The following GARIN4 variants were observed in gnomAD, a reference collection of about 807,000 sequenced individuals.
GARIN4 encodes Golgi-associated RAB2 interactor protein 4.
chr1:212,624,763 G>A, the GARIN4 span: 1 of 1,436,640 alleles, frequency 7.0e-7, no homozygotes, highest in East Asian at 2.5e-5. Flanking sequence ...TGAGAGACCA[G>A]CTGCAGAGAC....
the GARIN4 span, chr1:212,626,053 A>C: frequency 1.2e-6 from 2 of 1,613,892 alleles, no homozygotes. Flanking sequence ...CAGCAGCGGG[A>C]CCTCCCGTCT....
chr1:212,625,260 G>A, the GARIN4 span: 31 of 1,614,000 alleles, frequency 1.9e-5, no homozygotes, highest in Admixed American at 3.3e-5. Context: ...AGGTTTGTAC[G>A]GATCTCTGTT....
the GARIN4 span, chr1:212,626,501 G>C: frequency 6.2e-7 from 1 of 1,614,244 alleles, no homozygotes; most frequent in Admixed American, 1.7e-5. Flanking sequence ...TACAAAAGTA[G>C]TGGGCACACC....
At chr1:212,626,717 T>C in the GARIN4 span, 1 of 1,529,602 alleles carries the variant, frequency 6.5e-7, no homozygotes, top group Non-Finnish European at 8.8e-7. Flanking sequence ...GGAGTGTCCC[T>C]GGAAAGCCTA....
the GARIN4 span, chr1:212,626,010 C>G: frequency 1.2e-6 from 2 of 1,614,228 alleles, no homozygotes; most frequent in Non-Finnish European, 1.7e-6. Flanking sequence ...GTAGTACTGA[C>G]CAGCAGGACA....
the GARIN4 span, chr1:212,625,568 T>C: frequency 1.2e-6 from 2 of 1,614,002 alleles, no homozygotes. Context: ...CTCTGAGGTG[T>C]GTGGGGCCAC....
At chr1:212,625,213 A>C in the GARIN4 span, 3 of 1,613,980 alleles carry the variant, frequency 1.9e-6, no homozygotes, top group East Asian at 2.2e-5. Flanking sequence ...AACGCAAGGC[A>C]GCAAAGAACT....
chr1:212,624,899 C>T, the GARIN4 span: 57 of 1,590,922 alleles, frequency 3.6e-5, no homozygotes, highest in Non-Finnish European at 3.7e-5. Context: ...TTTTCTGCTG[C>T]CGTATTATAC....
chr1:212,625,516 G>A, the GARIN4 span: 15 of 1,614,218 alleles, frequency 9.3e-6, no homozygotes, highest in Non-Finnish European at 1.2e-5. Context: ...TTCAAGGAAA[G>A]GGGGATCAGG....
At chr1:212,626,414 T>C in the GARIN4 span, 3 of 1,614,212 alleles carry the variant, frequency 1.9e-6, no homozygotes, top group East Asian at 4.5e-5. Flanking sequence ...GAGGAGCTTA[T>C]GGACCACCAG....
the GARIN4 span, chr1:212,625,021 C>T: frequency 5.1e-5 from 83 of 1,614,102 alleles, no homozygotes; most frequent in African/African-American, 9.9e-4. Flanking sequence ...TATTTGAGAG[C>T]GACTTTATCC....
the GARIN4 span, chr1:212,625,080 T>C: frequency 1.2e-6 from 2 of 1,614,052 alleles, no homozygotes; most frequent in Non-Finnish European, 1.7e-6. Context: ...CGTGTCCGTA[T>C]GGTGACCATG....
chr1:212,625,543 A>G, the GARIN4 span: 2 of 1,614,100 alleles, frequency 1.2e-6, no homozygotes, highest in Admixed American at 3.3e-5. Flanking sequence ...TCAGCATCCA[A>G]AGCCTCCACA....
At chr1:212,624,954 G>C in the GARIN4 span, 1 of 1,614,084 alleles carries the variant, frequency 6.2e-7, no homozygotes, top group Non-Finnish European at 8.5e-7. Context: ...ACCACCATGG[G>C]GAAACTGCAG....
chr1:212,625,569 GTGGGGCCACCTC>G, the GARIN4 span: 1 of 1,614,200 alleles, frequency 6.2e-7, no homozygotes, highest in South Asian at 1.1e-5. Flanking sequence ...TCTGAGGTGT[GTGGGGCCACCTC>G]TGCTGCTTAT....
chr1:212,624,766 G>T, the GARIN4 span: 3 of 1,438,074 alleles, frequency 2.1e-6, no homozygotes, highest in Non-Finnish European at 2.7e-6. Flanking sequence ...GAGACCAGCT[G>T]CAGAGACATC....
chr1:212,625,678 T>G, the GARIN4 span: 1 of 1,614,132 alleles, frequency 6.2e-7, no homozygotes. Flanking sequence ...CAGAACTTGC[T>G]GAGGAGCCAG....
the GARIN4 span, chr1:212,625,939 T>C: frequency 1.2e-6 from 2 of 1,614,154 alleles, no homozygotes; most frequent in Non-Finnish European, 1.7e-6. Flanking sequence ...CCTCAGAGCA[T>C]GTTTCCAGCG....
At chr1:212,624,901 G>A in the GARIN4 span, 153 of 1,602,956 alleles carry the variant, frequency 9.5e-5, no homozygotes, top group South Asian at 6.7e-4. Context: ...TTCTGCTGCC[G>A]TATTATACGG....
Sources: gnomAD v4.1 joint callset for allele counts on GRCh38, gnomAD v4.1.1 for gene constraint, MANE v1.5 for transcripts, NCBI Gene and HGNC (gene_info 2026-07-23, HGNC 2026-07-21) for gene names.